The following TIAM1 variants were observed in gnomAD, a reference collection of about 807,000 sequenced individuals.
TIAM1 encodes rho guanine nucleotide exchange factor TIAM1.
A neutral mutation model predicts 163.5 loss-of-function variants in TIAM1; 65 were observed. That is an observed-to-expected ratio of 0.40 (90% confidence interval 0.33 to 0.49). TIAM1 has a LOEUF of 0.49. Among genes scored for constraint, TIAM1 ranks in the 20% least tolerant of loss-of-function variants. TIAM1 has a pLI of 0.77. For missense variants in TIAM1, 1,789 were observed against 2,044.7 expected (o/e 0.87, Z 2.41); for synonymous variants, 833 against 810.1 (o/e 1.03, Z -0.48).
At chr21:31,126,984 C>T in intron 26 of TIAM1, 81 bp downstream of exon 26, 1 of 1,394,162 alleles carries the variant, frequency 7.2e-7, no homozygotes, top group Non-Finnish European at 1.0e-6. Context: ...GTACCAAACA[C>T]CAGAACACAA....
chr21:31,403,972 C>T (rs1358377316), intron 2 of TIAM1, among the ~76,000 whole-genome samples: 1 of 152,036 alleles, frequency 6.6e-6, no homozygotes, highest in Non-Finnish European at 1.5e-5. Flanking sequence ...TAATCACAGG[C>T]AAGCCAAGCA....
intron 4 of TIAM1, among the ~76,000 whole-genome samples, chr21:31,260,387 G>A (rs1207093419): frequency 1.3e-5 from 2 of 151,428 alleles, no homozygotes; most frequent in African/African-American, 2.4e-5. Context: ...ACAGGCACCC[G>A]CCACCACGCC....
chr21:31,269,623 CT>C (rs1250670024), intron 3 of TIAM1, among the ~76,000 whole-genome samples: 2 of 151,834 alleles, frequency 1.3e-5, no homozygotes, highest in Non-Finnish European at 2.9e-5. Context: ...GGGACAACCC[CT>C]GCCCCACTGG....
intron 4 of TIAM1, among the ~76,000 whole-genome samples, chr21:31,259,804 A>G (rs1393575447): frequency 1.3e-5 from 2 of 151,270 alleles, no homozygotes; most frequent in Non-Finnish European, 1.5e-5. Flanking sequence ...GGGTCCAACC[A>G]AACAGTATAT....
chr21:31,154,858 C>T (rs1472640853), intron 16 of TIAM1, among the ~76,000 whole-genome samples: 1 of 152,192 alleles, frequency 6.6e-6, no homozygotes, highest in Non-Finnish European at 1.5e-5. Flanking sequence ...GCATTTCACC[C>T]AAGGTACAAG....
chr21:31,412,101 T>A (rs1209085269), intron 2 of TIAM1, among the ~76,000 whole-genome samples: 3 of 152,170 alleles, frequency 2.0e-5, no homozygotes, highest in African/African-American at 7.2e-5. Flanking sequence ...TAGTATTCAG[T>A]TGTGCAAATG....
At chr21:31,162,676 C>A (rs1158501866) in intron 16 of TIAM1, among the ~76,000 whole-genome samples, 2 of 149,408 alleles carry the variant, frequency 1.3e-5, no homozygotes, top group Admixed American at 6.7e-5. Context: ...GAGTCCCACA[C>A]TGTCTCCCAG....
intron 5 of TIAM1, among the ~76,000 whole-genome samples, chr21:31,251,505 G>T (rs2071801929): frequency 6.6e-6 from 1 of 152,170 alleles, no homozygotes; most frequent in Non-Finnish European, 1.5e-5. Context: ...CTAGATTCTA[G>T]AAATCTGCCT....
At chr21:31,243,533 A>ACACATGC (rs1405173948) in intron 6 of TIAM1, among the ~76,000 whole-genome samples, 1 of 152,116 alleles carries the variant, frequency 6.6e-6, no homozygotes, top group East Asian at 1.9e-4. Context: ...AAATACACAA[A>ACACATGC]CACATGCACA....
intron 2 of TIAM1, among the ~76,000 whole-genome samples, chr21:31,407,827 G>A (rs1321076299): frequency 3.3e-5 from 5 of 151,754 alleles, no homozygotes; most frequent in Admixed American, 6.6e-5. Context: ...CAGTAGAGAC[G>A]GGGTTTCACC....
chr21:31,219,758 A>C (rs1027128159), intron 8 of TIAM1, among the ~76,000 whole-genome samples: 17 of 152,038 alleles, frequency 1.1e-4, no homozygotes, highest in Admixed American at 2.0e-4. Flanking sequence ...ACAAAAAAAA[A>C]CCCCAGATCA....
At chr21:31,298,786 GA>G (rs922631791) in intron 2 of TIAM1, among the ~76,000 whole-genome samples, 13 of 132,330 alleles carry the variant, frequency 9.8e-5, no homozygotes, top group African/African-American at 2.8e-4. Flanking sequence ...GAGAGAGAGA[GA>G]AAAAAAAACA....
intron 2 of TIAM1, among the ~76,000 whole-genome samples, chr21:31,349,958 C>T (rs1484216707): frequency 1.3e-5 from 2 of 152,230 alleles, no homozygotes; most frequent in African/African-American, 4.8e-5. Flanking sequence ...CGAATGGGCA[C>T]TAAACATGTC....
chr21:31,159,688 T>A (rs8129456), intron 16 of TIAM1, among the ~76,000 whole-genome samples: 2,213 of 152,344 alleles, frequency 0.015, 49 homozygotes, highest in African/African-American at 0.049. Flanking sequence ...AAGGCTTATT[T>A]GAGCAAATCA....
intron 1 of TIAM1, among the ~76,000 whole-genome samples, chr21:31,522,591 T>G (rs1654770758): frequency 6.6e-6 from 1 of 152,136 alleles, no homozygotes; most frequent in Non-Finnish European, 1.5e-5. Flanking sequence ...CATAATTGTT[T>G]ATCGTCAGGG....
At chr21:31,204,051 T>G (rs998331306) in intron 11 of TIAM1, among the ~76,000 whole-genome samples, 1 of 152,182 alleles carries the variant, frequency 6.6e-6, no homozygotes, top group Non-Finnish European at 1.5e-5. Context: ...TTTTGAGGAA[T>G]AAGTAATAAT....
At chr21:31,384,075 G>A (rs2076824964) in intron 2 of TIAM1, among the ~76,000 whole-genome samples, 2 of 152,042 alleles carry the variant, frequency 1.3e-5, no homozygotes, top group African/African-American at 2.4e-5. Context: ...GCTGGCTGAC[G>A]ACCATATTCT....
At chr21:31,297,455 C>T (rs941725758) in intron 2 of TIAM1, among the ~76,000 whole-genome samples, 5 of 152,272 alleles carry the variant, frequency 3.3e-5, no homozygotes, top group South Asian at 2.1e-4. Flanking sequence ...AGTGCAATGG[C>T]GAGATCTCGG....
upstream of TIAM1, among the ~76,000 whole-genome samples, chr21:31,346,379 G>C (rs553810322): frequency 9.2e-5 from 14 of 152,216 alleles, no homozygotes; most frequent in African/African-American, 3.1e-4. Flanking sequence ...ATACATATGG[G>C]CTCAGAAGAA....
Sources: allele counts gnomAD v4.1 joint callset (sites outside exome capture counted in the v4.1 genomes callset), GRCh38; gene constraint gnomAD v4.1.1; transcripts MANE v1.5; gene names NCBI Gene and HGNC (gene_info 2026-07-23, HGNC 2026-07-21).